Variants in PCDHGA1 observed in about 807,000 individuals in gnomAD.
The protein encoded by PCDHGA1 is protocadherin gamma subfamily A, 1.
A neutral mutation model predicts 58.0 loss-of-function variants in PCDHGA1; 32 were observed. The ratio of observed to expected loss-of-function variants is 0.55; its 90% CI spans 0.42 to 0.74. PCDHGA1 has a LOEUF of 0.74. Ranked by LOEUF, PCDHGA1 falls within the 30% of genes least tolerant of loss-of-function variation. The probability of loss-of-function intolerance (pLI) is 0.00; values close to 1 mark genes in which losing one functional copy is unlikely to be tolerated. For synonymous variants in PCDHGA1, 498 were observed against 501.1 expected (o/e 0.99, Z 0.08); for missense variants, 1,205 against 1,182.3 (o/e 1.02, Z -0.28).
At chr5:141,422,149 C>G in intron 1 of PCDHGA1, 1 of 1,577,238 alleles carries the variant, frequency 6.3e-7, no homozygotes. Context: ...ACGGGGGTCT[C>G]TGGATTTTGA....
chr5:141,473,238 G>A (rs1265577738), intron 1 of PCDHGA1, among the ~76,000 whole-genome samples: 4 of 152,200 alleles, frequency 2.6e-5, no homozygotes, highest in Admixed American at 6.5e-5. Context: ...ATCCACACAA[G>A]TGAATACATA....
chr5:141,430,657 A>G (rs2097300740), intron 1 of PCDHGA1: 1 of 1,093,240 alleles, frequency 9.1e-7, no homozygotes, highest in African/African-American at 1.6e-5. Flanking sequence ...GAAACAACGG[A>G]GGAGCTCTGA....
At chr5:141,357,087 A>C in intron 1 of PCDHGA1, 1 of 1,613,882 alleles carries the variant, frequency 6.2e-7, no homozygotes, top group Non-Finnish European at 8.5e-7. Flanking sequence ...TGCGCACCGC[A>C]CGGGCCCTGC....
rs773126086 is a variant in PCDHGA1 at position 141,487,392 on chromosome 5, G to C, written c.2422-7415G>C. The C allele has an allele frequency of 6.2e-7, 1 of 1,614,176 alleles. No homozygotes were observed. Among genetic ancestry groups the C allele is most frequent in the Non-Finnish European group, 8.5e-7 (1 of 1,180,024 alleles). ...GCCTGTCTCACCAGATCTCGAAGGA[G>C]GGAGGGGCTTCCCCCTTCCAATGGG... On this transcript the variant is annotated intron_variant, in intron 1 of 3. Coordinates refer to ENST00000517417, the MANE Select transcript of PCDHGA1 (RefSeq NM_018912.3). This position sits in a 1 kb window ranked among gnomAD's most constrained non-coding sequence, Gnocchi z 5.0.
rs141947870 is a variant in PCDHGA1 at position 141,340,600 on chromosome 5, T to C, written c.2421+7495T>C. On this transcript the variant is annotated intron_variant, in intron 1 of 3. Transcript: ENST00000517417. ...GGGACAGCGGGAACCCTCCACTCAG[T>C]AGCAATGTATCATTAAGCCTGTTCG... The C allele has an allele frequency of 1.6e-4, 255 of 1,614,140 alleles. 1 individual carries two copies. The highest frequency in any genetic ancestry group is 6.3e-4 in the Admixed American group (38 of 60,026).
At chr5:141,361,340 A>G (rs1394183800) in intron 1 of PCDHGA1, 2 of 1,613,974 alleles carry the variant, frequency 1.2e-6, no homozygotes, top group Non-Finnish European at 1.7e-6. Context: ...AAGAACTATT[A>G]CAAACTAGTG....
rs765634746 is a variant in PCDHGA1 at position 141,418,621 on chromosome 5, C to A, written c.2422-76186C>A. On this transcript the variant is annotated intron_variant, in intron 1 of 3. Transcript: ENST00000517417. Reference sequence around the variant, plus strand: ...TGTACAGGGTTAGCCTTCGGGAAGACGTGCCTCCAGGCACCTCCATCCTGA... The same window carrying A: ...TGTACAGGGTTAGCCTTCGGGAAGAAGTGCCTCCAGGCACCTCCATCCTGA... 8 of 1,614,034 alleles carry A rather than the reference C, an allele frequency of 5.0e-6. No individual in the cohort carries two copies. The East Asian group carries it at 1.8e-4, about 36-fold the overall frequency.
intron 1 of PCDHGA1, 168 bp downstream of exon 1, chr5:141,333,273 G>A (rs887040702): frequency 6.1e-6 from 6 of 982,554 alleles, no homozygotes; most frequent in Non-Finnish European, 8.9e-6. Context: ...TCATATGCAG[G>A]TATATTTATA....
chr5:141,400,254 G>T, intron 1 of PCDHGA1: 1 of 1,613,980 alleles, frequency 6.2e-7, no homozygotes, highest in Non-Finnish European at 8.5e-7. Flanking sequence ...CCGTTGCCTT[G>T]CGCCTGCGAC....
chr5:141,490,405 ATC>A lies in PCDHGA1; in HGVS notation c.2422-4397_2422-4396del, dbSNP rs765446736. 1 of 1,614,142 alleles carries A rather than the reference ATC, an allele frequency of 6.2e-7. No individual in the cohort carries two copies. The highest frequency in any genetic ancestry group is 8.5e-7 in the Non-Finnish European group (1 of 1,180,028). ...TAGAAATGGTGAAGTGAGCCTTGATATCTCTCCGGACCTGCCATTTCAGATTA... is the reference window on the plus strand; with the variant it reads ...TAGAAATGGTGAAGTGAGCCTTGATATCTCCGGACCTGCCATTTCAGATTA... On this transcript the variant is annotated intron_variant, in intron 1 of 3. Transcript: ENST00000517417. The surrounding 1 kb of genome is among the most constrained non-coding windows in gnomAD (Gnocchi z 5.4).
At chr5:141,416,501 T>C (rs1164504285) in intron 1 of PCDHGA1, 6 of 152,148 alleles carry the variant, frequency 3.9e-5, no homozygotes, top group Non-Finnish European at 7.4e-5. Context: ...AAGAGATATA[T>C]GACAAAGCTA....
intron 1 of PCDHGA1, among the ~76,000 whole-genome samples, chr5:141,454,239 A>T (rs1221886368): frequency 6.6e-6 from 1 of 152,200 alleles, no homozygotes; most frequent in Non-Finnish European, 1.5e-5. Context: ...GATGAAAAGG[A>T]TGAAGATGTC....
At chr5:141,473,369 G>T (rs888984972) in intron 1 of PCDHGA1, among the ~76,000 whole-genome samples, 1 of 152,200 alleles carries the variant, frequency 6.6e-6, no homozygotes, top group Non-Finnish European at 1.5e-5. Flanking sequence ...CACCAAAATA[G>T]CATGGTCCCT....
chr5:141,355,459 G>A, intron 1 of PCDHGA1: 3 of 1,614,080 alleles, frequency 1.9e-6, no homozygotes, highest in Non-Finnish European at 2.5e-6. Flanking sequence ...CTTGGTCACC[G>A]CGGGTAGGAT....
chr5:141,507,862 G>T (rs17286954), intron 3 of PCDHGA1, among the ~76,000 whole-genome samples: 20,426 of 152,154 alleles, frequency 0.13, 1,374 homozygotes, highest in Admixed American at 0.16. Context: ...TTTCACACCC[G>T]CTTCCTAGCC....
At chr5:141,450,898 C>T (rs929869116) in intron 1 of PCDHGA1, among the ~76,000 whole-genome samples, 12 of 150,412 alleles carry the variant, frequency 8.0e-5, no homozygotes, top group African/African-American at 2.9e-4. Context: ...GATATCGGCT[C>T]ACTGCAACCG....
chr5:141,484,940 G>C, intron 1 of PCDHGA1: 1 of 541,138 alleles, frequency 1.8e-6, no homozygotes, highest in Non-Finnish European at 3.3e-6. Flanking sequence ...GACGTTCTCT[G>C]CTCAGCCTAT....
intron 1 of PCDHGA1, chr5:141,370,568 G>T (rs968157637): frequency 1.9e-6 from 3 of 1,613,930 alleles, no homozygotes; most frequent in Admixed American, 1.7e-5. Flanking sequence ...GGTTTGGCGT[G>T]GGGGATTTAC....
At chr5:141,417,690 A>T in intron 1 of PCDHGA1, 1 of 1,077,126 alleles carries the variant, frequency 9.3e-7, no homozygotes, top group East Asian at 2.6e-5. Context: ...AGAAAAGAAA[A>T]CCAGCTCCCA....
Sources: allele counts gnomAD v4.1 joint callset (sites outside exome capture counted in the v4.1 genomes callset), GRCh38; gene constraint gnomAD v4.1.1; non-coding constraint Gnocchi (gnomAD v3.1); transcripts MANE v1.5; gene names NCBI Gene and HGNC (gene_info 2026-07-23, HGNC 2026-07-21).